COMMD10: variants seen among roughly 807,000 people sequenced by gnomAD.
COMMD10 encodes COMM domain containing 10.
In COMMD10, 33 loss-of-function variants were observed where a neutral mutation model predicts 28.9. The ratio of observed to expected loss-of-function variants is 1.14; its 90% CI spans 0.87 to 1.53. The LOEUF is 1.53. Among genes scored for constraint, COMMD10 ranks in the 40% most tolerant of loss-of-function variants. The pLI is 0.00. For synonymous variants in COMMD10, 110 were observed against 81.7 expected (o/e 1.35, Z -1.87); for missense variants, 310 against 233.4 (o/e 1.33, Z -2.14).
At chr5:116,165,794 C>T (rs1004600175) in intron 5 of COMMD10, among the ~76,000 whole-genome samples, 1 of 152,114 alleles carries the variant, frequency 6.6e-6, no homozygotes, top group Admixed American at 6.6e-5. Context: ...GTGCTGTACC[C>T]TTGTGACCTA....
intron 5 of COMMD10, among the ~76,000 whole-genome samples, chr5:116,158,586 C>G (rs1752816070): frequency 1.3e-5 from 2 of 149,916 alleles, no homozygotes; most frequent in East Asian, 2.1e-4. Flanking sequence ...AAGCGATCCT[C>G]TGGCTTAAGC....
At chr5:116,275,915 C>T (rs200031706) in intron 5 of COMMD10, among the ~76,000 whole-genome samples, 3 of 150,986 alleles carry the variant, frequency 2.0e-5, no homozygotes, top group East Asian at 2.0e-4. Context: ...TTAATCCTGG[C>T]TCCTTTTAGA....
intron 5 of COMMD10, among the ~76,000 whole-genome samples, chr5:116,174,084 G>C (rs1227173540): frequency 6.6e-6 from 1 of 152,054 alleles, no homozygotes; most frequent in Non-Finnish European, 1.5e-5. Flanking sequence ...TTAACACTAT[G>C]AAGAAAAATT....
chr5:116,283,727 T>TTA (rs1261350566), intron 5 of COMMD10, among the ~76,000 whole-genome samples: 1 of 151,804 alleles, frequency 6.6e-6, no homozygotes, highest in East Asian at 1.9e-4. Context: ...TACTGCATAA[T>TTA]GGCAGTATCC....
chr5:116,158,869 CT>C (rs1415646900), intron 5 of COMMD10, among the ~76,000 whole-genome samples: 4 of 151,204 alleles, frequency 2.6e-5, no homozygotes, highest in Non-Finnish European at 4.4e-5. Flanking sequence ...TTTTCCCCCC[CT>C]GAGGTCAGAC....
At chr5:116,137,615 A>T (rs1260375413) in intron 5 of COMMD10, among the ~76,000 whole-genome samples, 1 of 151,938 alleles carries the variant, frequency 6.6e-6, no homozygotes, top group Non-Finnish European at 1.5e-5. Context: ...TTGTACTGAA[A>T]ACTTACTGTA....
chr5:116,195,512 C>T (rs1182451752), intron 5 of COMMD10, among the ~76,000 whole-genome samples: 1 of 152,092 alleles, frequency 6.6e-6, no homozygotes, highest in African/African-American at 2.4e-5. Flanking sequence ...TATACACCAA[C>T]AGCGACCAAA....
intron 4 of COMMD10, among the ~76,000 whole-genome samples, chr5:116,122,898 A>G (rs898607749): frequency 6.6e-6 from 1 of 152,178 alleles, no homozygotes; most frequent in Non-Finnish European, 1.5e-5. Flanking sequence ...GGGGTTTTCT[A>G]AATATACAGT....
chr5:116,261,240 C>T (rs577243519), intron 5 of COMMD10, among the ~76,000 whole-genome samples: 1 of 151,774 alleles, frequency 6.6e-6, no homozygotes, highest in Non-Finnish European at 1.5e-5. Context: ...ATGTTCATAA[C>T]TGTATATTGA....
At chr5:116,199,969 CTT>C (rs1175988839) in intron 5 of COMMD10, among the ~76,000 whole-genome samples, 1 of 150,498 alleles carries the variant, frequency 6.6e-6, no homozygotes, top group East Asian at 1.9e-4. Flanking sequence ...TTACTCTACT[CTT>C]TTTGTATTTT....
chr5:116,247,654 C>T (rs1457344864), intron 5 of COMMD10, among the ~76,000 whole-genome samples: 1 of 152,038 alleles, frequency 6.6e-6, no homozygotes, highest in Non-Finnish European at 1.5e-5. Context: ...AGATCATATC[C>T]TTTGCAGGGA....
At chr5:116,270,488 C>T (rs1005005861) in intron 5 of COMMD10, among the ~76,000 whole-genome samples, 5 of 151,670 alleles carry the variant, frequency 3.3e-5, no homozygotes, top group Non-Finnish European at 7.4e-5. Flanking sequence ...GTATTTAGAA[C>T]GGTCTAGAGA....
intron 5 of COMMD10, among the ~76,000 whole-genome samples, chr5:116,263,966 C>G (rs888194784): frequency 1.3e-5 from 2 of 151,712 alleles, no homozygotes; most frequent in African/African-American, 2.4e-5. Context: ...AAATGTTTTA[C>G]GGAGTTTGAC....
chr5:116,264,785 A>C (rs991922350), intron 5 of COMMD10, among the ~76,000 whole-genome samples: 14 of 151,868 alleles, frequency 9.2e-5, no homozygotes, highest in Non-Finnish European at 2.1e-4. Flanking sequence ...CTTGAAAAAT[A>C]GATGTCATGT....
At chr5:116,183,769 A>T (rs372123867) in intron 5 of COMMD10, among the ~76,000 whole-genome samples, 1 of 152,110 alleles carries the variant, frequency 6.6e-6, no homozygotes, top group Admixed American at 6.6e-5. Context: ...GATAGCTGAT[A>T]ATTAATGAAG....
intron 5 of COMMD10, among the ~76,000 whole-genome samples, chr5:116,151,275 G>A (rs1440507260): frequency 6.6e-6 from 1 of 151,580 alleles, no homozygotes; most frequent in Non-Finnish European, 1.5e-5. Flanking sequence ...ATTTTATTGA[G>A]GATTTTTGCA....
In COMMD10 at chr5:116,216,622, C is replaced by G. The variant is rs529858131; in HGVS notation, c.511-74895C>G. Among the ~76,000 whole-genome samples the G allele has an allele frequency of 2.6e-5, 4 of 152,252 alleles. No homozygotes were observed. In the South Asian group the frequency reaches 6.2e-4, roughly 24 times the overall value. ...TCTCGGCTCACTGCAACCTGTGCCT[C>G]CCGGAGGTTCAAGCAGTTCCCCTGC... is the stretch of plus-strand genomic sequence containing the variant. On this transcript the variant is annotated intron_variant, in intron 5 of 6. Transcript: ENST00000274458.
chr5:116,259,441 G>T (rs942742412), intron 5 of COMMD10, among the ~76,000 whole-genome samples: 1 of 150,768 alleles, frequency 6.6e-6, no homozygotes, highest in Admixed American at 6.6e-5. Context: ...TATATTTAAC[G>T]TTTTCCTCTG....
intron 4 of COMMD10, among the ~76,000 whole-genome samples, chr5:116,116,196 T>C (rs754308911): frequency 1.5e-4 from 23 of 152,328 alleles, no homozygotes; most frequent in Non-Finnish European, 2.9e-4. Flanking sequence ...TTTAAGCCAT[T>C]GTAAGATTTA....
Sources: allele counts gnomAD v4.1 joint callset (sites outside exome capture counted in the v4.1 genomes callset), GRCh38; gene constraint gnomAD v4.1.1; transcripts MANE v1.5; gene names NCBI Gene and HGNC (gene_info 2026-07-23, HGNC 2026-07-21).